The following STAP1 variants were observed in gnomAD, a reference collection of about 807,000 sequenced individuals.
STAP1 encodes signal transducing adaptor family member 1, also known as signal-transducing adaptor protein 1.
STAP1 carries 30 observed loss-of-function variants against 37.8 expected under a neutral mutation model. That is an observed-to-expected ratio of 0.79 (90% CI 0.59 to 1.08). The LOEUF (loss-of-function observed/expected upper bound fraction) is 1.08. Ranked by LOEUF, STAP1 falls within the 50% of genes least tolerant of loss-of-function variation. The pLI is 0.00. For missense variants in STAP1, 357 were observed against 349.4 expected (o/e 1.02, Z -0.17); for synonymous variants, 130 against 116.0 (o/e 1.12, Z -0.78).
chr4:67,574,652 T>A (rs921565383), intron 2 of STAP1, among the ~76,000 whole-genome samples: 6 of 152,216 alleles, frequency 3.9e-5, no homozygotes, highest in African/African-American at 1.2e-4. Flanking sequence ...ATCTGGATGA[T>A]GGGCCAAATC....
In STAP1 at chr4:67,606,331, T is replaced by G. The variant is rs757970699; in HGVS notation, c.862T>G (p.Leu288Val). 18 of 1,611,778 alleles carry G rather than the reference T, an allele frequency of 1.1e-5. No individual in the cohort carries two copies. Among genetic ancestry groups the G allele is most frequent in the Admixed American group, 6.7e-5 (4 of 59,584 alleles). Reference protein sequence around the residue: ...EPSMEGRSEKLKKNPHIA With the variant: ...EPSMEGRSEKVKKNPHIA ...CAGTATGGAAGGGAGAAGTGAAAAG[T>G]TGAAGAAAAATCCACACATTGCATG... The change falls in exon 9 of 9, where the codon TTG becomes GTG. Residue 288 changes from leucine to valine, a missense_variant. Leu to Val is a conservative substitution (Grantham distance 32, BLOSUM62 1). Transcript: ENST00000265404.
At chr4:67,562,341 C>CA (rs1025713141) in intron 1 of STAP1, among the ~76,000 whole-genome samples, 52 of 149,344 alleles carry the variant, frequency 3.5e-4, no homozygotes, top group Admixed American at 1.1e-3. Flanking sequence ...AACTCCGTCT[C>CA]AAAAAAAAAG....
At chr4:67,564,415 C>T (rs986201339) in intron 1 of STAP1, among the ~76,000 whole-genome samples, 14 of 152,050 alleles carry the variant, frequency 9.2e-5, no homozygotes, top group Non-Finnish European at 1.5e-4. Flanking sequence ...CAATTTTTCT[C>T]GATAGTGCAA....
chr4:67,599,571 G>GA (rs1207468012), intron 8 of STAP1, among the ~76,000 whole-genome samples: 1 of 151,666 alleles, frequency 6.6e-6, no homozygotes, highest in Non-Finnish European at 1.5e-5. Flanking sequence ...TTAAATCTCT[G>GA]ATAGTATATA....
intron 5 of STAP1, 55 bp downstream of exon 5, chr4:67,581,526 A>G (rs1372829763): frequency 4.5e-6 from 7 of 1,546,300 alleles, no homozygotes; most frequent in Non-Finnish European, 6.1e-6. Context: ...CTAATTTCTA[A>G]TTATAAAGGA....
chr4:67,574,073 T>C (rs1727666515), intron 2 of STAP1, among the ~76,000 whole-genome samples: 1 of 152,130 alleles, frequency 6.6e-6, no homozygotes, highest in Non-Finnish European at 1.5e-5. Context: ...ATCAGTGGTG[T>C]GCAGTAAATG....
intron 2 of STAP1, among the ~76,000 whole-genome samples, chr4:67,571,932 T>G (rs1323000081): frequency 6.6e-6 from 1 of 152,226 alleles, no homozygotes; most frequent in Non-Finnish European, 1.5e-5. Flanking sequence ...TTTTACAAAA[T>G]TAATTTCTCT....
chr4:67,594,826 C>G (rs1341494202), intron 8 of STAP1, among the ~76,000 whole-genome samples: 2 of 151,996 alleles, frequency 1.3e-5, no homozygotes, highest in African/African-American at 4.8e-5. Context: ...ATGTTATTTG[C>G]CATTATATAT....
intron 8 of STAP1, among the ~76,000 whole-genome samples, chr4:67,602,889 C>A (rs550195689): frequency 2.6e-5 from 4 of 152,142 alleles, no homozygotes; most frequent in African/African-American, 4.8e-5. Context: ...GTCTGGGTAC[C>A]GCTGATGTTC....
chr4:67,560,706 G>A (rs1013994558), intron 1 of STAP1, among the ~76,000 whole-genome samples: 4 of 151,878 alleles, frequency 2.6e-5, no homozygotes, highest in African/African-American at 9.7e-5. Context: ...AAGCTGGAGT[G>A]CAATGGTGCA....
At chr4:67,594,488 C>T (rs1278073538) in intron 8 of STAP1, among the ~76,000 whole-genome samples, 1 of 152,076 alleles carries the variant, frequency 6.6e-6, no homozygotes, top group Non-Finnish European at 1.5e-5. Flanking sequence ...TGTAAGAGGG[C>T]TTAAATTTGA....
At chr4:67,571,608 C>T (rs959042197) in intron 2 of STAP1, among the ~76,000 whole-genome samples, 10 of 152,154 alleles carry the variant, frequency 6.6e-5, no homozygotes, top group African/African-American at 2.4e-4. Context: ...CAAAGCAGGA[C>T]TTCTAAAGGC....
intron 1 of STAP1, 63 bp from the exon 2 acceptor site, chr4:67,571,021 T>C: frequency 7.6e-7 from 1 of 1,312,194 alleles, no homozygotes; most frequent in Non-Finnish European, 1.1e-6. Flanking sequence ...CAAAGGATAA[T>C]ATTATTAGAA....
intron 8 of STAP1, among the ~76,000 whole-genome samples, chr4:67,604,584 T>C (rs1341372399): frequency 1.3e-5 from 2 of 152,234 alleles, no homozygotes; most frequent in Non-Finnish European, 2.9e-5. Context: ...ATCTGATAAT[T>C]TCAACATCTT....
chr4:67,593,274 C>A lies in STAP1; in HGVS notation c.744C>A (p.Asn248Lys). 1 of 1,612,886 alleles carries A rather than the reference C, an allele frequency of 6.2e-7. No individual in the cohort carries two copies. The highest frequency in any genetic ancestry group is 8.5e-7 in the Non-Finnish European group (1 of 1,179,386). ...IELEKPVTLP[N>K]LFSVIDYFVK... is the part of the protein sequence containing the mutation. ...TATTAATACAGGTAACACTCCCAAA[C>A]CTTTTCAGTGTCATTGATTATTTTG... is the stretch of plus-strand genomic sequence containing the variant. Residue 248 changes from asparagine (N) to lysine (K), a missense_variant, in exon 8 of 9, where the codon AAC (asparagine) becomes AAA (lysine). By Grantham distance (94) the Asn-to-Lys change is moderately conservative. Transcript: ENST00000265404.
chr4:67,577,273 T>C lies in STAP1; in HGVS notation c.363+14T>C. 1.3e-6 allele frequency: 2 copies of C among 1,589,936 alleles called. No individual in the cohort carries two copies. Among genetic ancestry groups the C allele is most frequent in the Non-Finnish European group, 1.7e-6 (2 of 1,171,006 alleles). ...ACAGTAACAGAGGTAGGAAGCTCAC[T>C]GCTTTTGATTGATTCTTTTTTTTTT... is the stretch of plus-strand genomic sequence containing the variant. On this transcript the variant is annotated intron_variant, in intron 4 of 8. Transcript: ENST00000265404.
At chr4:67,597,613 G>A (rs949813057) in intron 8 of STAP1, among the ~76,000 whole-genome samples, 1 of 152,242 alleles carries the variant, frequency 6.6e-6, no homozygotes, top group Non-Finnish European at 1.5e-5. Flanking sequence ...AGTCACAGGG[G>A]TGGAGCTGTT....
At chr4:67,565,313 T>G (rs1460376673) in intron 1 of STAP1, among the ~76,000 whole-genome samples, 1 of 152,234 alleles carries the variant, frequency 6.6e-6, no homozygotes, top group Non-Finnish European at 1.5e-5. Context: ...CTAAATGGAT[T>G]TTTAAACCTC....
At position 67,606,957 on chromosome 4, in the gene STAP1, G is replaced by T. The variant is rs1010354787; in HGVS notation, c.*600G>T. 1 of 152,116 alleles carries T rather than the reference G, an allele frequency of 6.6e-6. No homozygotes were observed. The highest frequency in any genetic ancestry group is 2.1e-4 in the South Asian group (1 of 4,832). 9.4% of individuals were successfully genotyped at this position (152,116 alleles called of 1,614,324 possible). A position where few individuals can be genotyped will look rare whatever the true frequency, so the allele number is the denominator to read the frequency against. On this transcript the variant is annotated 3_prime_UTR_variant, in exon 9 of 9. Transcript: ENST00000265404. ...CAGCCCATTATTTCCTTACAAAGAT[G>T]GTGAAAGGCTGTATCATCATCTTGT... is the stretch of plus-strand genomic sequence containing the variant.
Sources: gnomAD v4.1 joint callset for allele counts (sites outside exome capture counted in the v4.1 genomes callset) on GRCh38, gnomAD v4.1.1 for gene constraint, MANE v1.5 for transcripts, NCBI Gene and HGNC (gene_info 2026-07-23, HGNC 2026-07-21) for gene names.